Variants in VAV3 observed in about 807,000 individuals in gnomAD.
The protein encoded by VAV3 is vav guanine nucleotide exchange factor 3.
Under a neutral mutation model 131.2 loss-of-function variants are expected in VAV3, and 94 were observed. That is an observed-to-expected ratio of 0.72 (90% CI 0.61 to 0.85). VAV3 has a LOEUF of 0.85. Among genes scored for constraint, VAV3 ranks in the 40% least tolerant of loss-of-function variants. VAV3 has a pLI of 0.00. For missense variants in VAV3, 939 were observed against 1,002.7 expected (o/e 0.94, Z 0.86); for synonymous variants, 349 against 342.0 (o/e 1.02, Z -0.22).
intron 17 of VAV3, among the ~76,000 whole-genome samples, chr1:107,697,670 C>T (rs1255223755): frequency 6.6e-6 from 1 of 152,008 alleles, no homozygotes; most frequent in Non-Finnish European, 1.5e-5. Flanking sequence ...ATATTTATGA[C>T]CTTGTTTCTT....
At chr1:107,963,944 C>T (rs988654673) in intron 1 of VAV3, among the ~76,000 whole-genome samples, 1 of 152,192 alleles carries the variant, frequency 6.6e-6, no homozygotes, top group Non-Finnish European at 1.5e-5. Context: ...CCCCAGGAGC[C>T]GACCGGCACC....
intron 20 of VAV3, among the ~76,000 whole-genome samples, chr1:107,629,570 T>C (rs1654293266): frequency 1.3e-5 from 2 of 152,256 alleles, no homozygotes; most frequent in Non-Finnish European, 2.9e-5. Flanking sequence ...TATTTTATAT[T>C]CATTTCACTT....
At chr1:107,665,048 T>C (rs1657314957) in intron 19 of VAV3, among the ~76,000 whole-genome samples, 1 of 152,144 alleles carries the variant, frequency 6.6e-6, no homozygotes, top group South Asian at 2.1e-4. Flanking sequence ...GTAGACTGGT[T>C]CTGAGTATGC....
rs1178172993 is a variant in VAV3, at chr1:107,875,033, G to C, written c.205-16C>G. ...AACAGAGAAACTGAGGAATGGAAAA[G>C]AGCTGTTAGCATAAAGTTAATTATT... On this transcript the variant is annotated splice_polypyrimidine_tract_variant and intron_variant, in intron 1 of 26. Transcript: ENST00000370056. The C allele has an allele frequency of 1.3e-5, 21 of 1,600,368 alleles. No individual in the cohort carries two copies. Among genetic ancestry groups the C allele is most frequent in the Non-Finnish European group, 1.7e-5 (20 of 1,168,000 alleles).
At chr1:107,917,289 T>C (rs1415319069) in intron 1 of VAV3, among the ~76,000 whole-genome samples, 1 of 151,998 alleles carries the variant, frequency 6.6e-6, no homozygotes, top group Non-Finnish European at 1.5e-5. Flanking sequence ...CACTGGAAAT[T>C]ACAGACAGCT....
At chr1:107,900,357 C>A (rs1214278254) in intron 1 of VAV3, among the ~76,000 whole-genome samples, 1 of 152,146 alleles carries the variant, frequency 6.6e-6, no homozygotes, top group African/African-American at 2.4e-5. Context: ...TTGATATTTT[C>A]TCTACATGCT....
intron 19 of VAV3, among the ~76,000 whole-genome samples, chr1:107,674,509 C>G (rs988095865): frequency 6.6e-6 from 1 of 152,168 alleles, no homozygotes; most frequent in African/African-American, 2.4e-5. Flanking sequence ...TGCTAATTTG[C>G]ACAGAACTAT....
chr1:107,929,389 C>G (rs1242897412), intron 1 of VAV3, among the ~76,000 whole-genome samples: 1 of 151,464 alleles, frequency 6.6e-6, no homozygotes, highest in Non-Finnish European at 1.5e-5. Flanking sequence ...CAAACAAAAG[C>G]TAAGGAATTT....
chr1:107,834,789 G>T (rs907007428), intron 2 of VAV3, among the ~76,000 whole-genome samples: 24 of 152,098 alleles, frequency 1.6e-4, no homozygotes, highest in Admixed American at 3.9e-4. Flanking sequence ...TCTGCATGGG[G>T]TTGCTGAATG....
chr1:107,704,608 C>T lies in VAV3; in HGVS notation c.1647G>A (p.Ala549=), dbSNP rs747435478. 6.8e-6 allele frequency: 11 copies of T among 1,613,716 alleles called. No individual in the cohort carries two copies. The highest frequency in any genetic ancestry group is 3.3e-4 in the Middle Eastern group (2 of 6,084). Residue 549 remains alanine (A), a synonymous_variant, in exon 17 of 27, where the codon GCG becomes GCA. Transcript: ENST00000370056. The stretch of plus-strand genomic sequence containing the variant: ...TTCCCAAACATTCTTTGTGTGCTCT[C>T]GCTCCACACTTAAAACATAAATAGC... The part of the protein sequence containing the change: ...YQGYLCFKCG[A]RAHKECLGRV...
intron 1 of VAV3, among the ~76,000 whole-genome samples, chr1:107,886,008 T>A (rs937472416): frequency 6.6e-6 from 1 of 152,080 alleles, no homozygotes; most frequent in Non-Finnish European, 1.5e-5. Flanking sequence ...GAACTGAACA[T>A]CCAAGGATGA....
chr1:107,847,945 C>T (rs2100943787), intron 2 of VAV3, among the ~76,000 whole-genome samples: 1 of 152,262 alleles, frequency 6.6e-6, no homozygotes, highest in Admixed American at 6.5e-5. Flanking sequence ...CAACACCTGG[C>T]AGAGACACAA....
intron 19 of VAV3, chr1:107,669,308 T>C: frequency 3.1e-6 from 4 of 1,289,418 alleles, no homozygotes; most frequent in Admixed American, 2.3e-5. Flanking sequence ...AGCTACCCAG[T>C]ATTGTTGCTG....
chr1:107,924,036 C>A (rs1483342039), intron 1 of VAV3, among the ~76,000 whole-genome samples: 1 of 152,148 alleles, frequency 6.6e-6, no homozygotes, highest in Non-Finnish European at 1.5e-5. Context: ...CAGCCCAAAT[C>A]AACCAAAACA....
chr1:107,615,832 A>C (rs536480886), intron 21 of VAV3, among the ~76,000 whole-genome samples: 2 of 152,206 alleles, frequency 1.3e-5, no homozygotes, highest in East Asian at 3.9e-4. Flanking sequence ...ATAATTGGCC[A>C]AAAAAAATTT....
At chr1:107,593,277 ATT>A (rs1212677824) in intron 25 of VAV3, among the ~76,000 whole-genome samples, 1 of 152,154 alleles carries the variant, frequency 6.6e-6, no homozygotes, top group Non-Finnish European at 1.5e-5. Context: ...TGAAAAAATA[ATT>A]GGTAAACATT....
intron 19 of VAV3, chr1:107,669,267 T>C: frequency 7.9e-7 from 1 of 1,268,908 alleles, no homozygotes; most frequent in South Asian, 1.3e-5. Flanking sequence ...ATCTCTTCTT[T>C]ATCCTTCGCT....
chr1:107,909,855 A>C (rs192719233), intron 1 of VAV3, among the ~76,000 whole-genome samples: 7 of 152,316 alleles, frequency 4.6e-5, no homozygotes, highest in African/African-American at 1.7e-4. Context: ...AATACATTAA[A>C]TATTTCATAA....
intron 25 of VAV3, among the ~76,000 whole-genome samples, chr1:107,587,907 A>G (rs566803607): frequency 6.6e-6 from 1 of 152,288 alleles, no homozygotes; most frequent in South Asian, 2.1e-4. Context: ...CCAGTTTTCA[A>G]TTTAGAACAT....
Sources: gnomAD v4.1 joint callset for allele counts (sites outside exome capture counted in the v4.1 genomes callset) on GRCh38, gnomAD v4.1.1 for gene constraint, MANE v1.5 for transcripts, NCBI Gene and HGNC (gene_info 2026-07-23, HGNC 2026-07-21) for gene names.